The following CCDC7 variants were observed in gnomAD, a reference collection of about 807,000 sequenced individuals.
CCDC7 encodes the protein coiled-coil domain containing 7, also known as coiled-coil domain-containing protein 7.
In CCDC7, 183 loss-of-function variants were observed where a neutral mutation model predicts 196.9. The observed-to-expected ratio is 0.93, with a 90% CI of 0.82 to 1.05. The LOEUF is 1.05. Ranked by LOEUF, CCDC7 falls within the 50% of genes least tolerant of loss-of-function variation. CCDC7 has a pLI of 0.00. For missense variants in CCDC7, 1,540 were observed against 1,482.2 expected (o/e 1.04, Z -0.64); for synonymous variants, 525 against 484.6 (o/e 1.08, Z -1.10).
chr10:32,698,091 C>T (rs1249499006), intron 24 of CCDC7, among the ~76,000 whole-genome samples: 3 of 151,660 alleles, frequency 2.0e-5, no homozygotes, highest in Non-Finnish European at 2.9e-5. Flanking sequence ...CAGCAAGCTC[C>T]AGCAGACCTA....
At chr10:32,691,501 C>T (rs2077076313) in intron 23 of CCDC7, among the ~76,000 whole-genome samples, 1 of 152,034 alleles carries the variant, frequency 6.6e-6, no homozygotes, top group South Asian at 2.1e-4. Context: ...TTTCTATGCC[C>T]AGAAATTTGT....
intron 8 of CCDC7, among the ~76,000 whole-genome samples, chr10:32,476,252 T>C (rs2038950591): frequency 6.6e-6 from 1 of 152,212 alleles, no homozygotes; most frequent in East Asian, 1.9e-4. Flanking sequence ...AAACCACTAA[T>C]CTGTTTATTT....
intron 2 of CCDC7, 74 bp downstream of exon 3, chr10:32,453,510 T>G: frequency 9.9e-7 from 1 of 1,011,692 alleles, no homozygotes; most frequent in Non-Finnish European, 1.3e-6. Flanking sequence ...AATATAAATT[T>G]AAAATATTTT....
intron 25 of CCDC7, among the ~76,000 whole-genome samples, chr10:32,722,564 C>T (rs1170932840): frequency 2.6e-5 from 4 of 152,084 alleles, no homozygotes; most frequent in African/African-American, 9.7e-5. Flanking sequence ...CTATATGCAT[C>T]ACCCCAATCT....
At chr10:32,835,154 T>C (rs1204766491) in intron 33 of CCDC7, among the ~76,000 whole-genome samples, 1 of 152,116 alleles carries the variant, frequency 6.6e-6, no homozygotes, top group Non-Finnish European at 1.5e-5. Context: ...ATGTGCTTGA[T>C]GCTATTATTT....
At chr10:32,461,703 G>GTA in intron 3 of CCDC7, among the ~76,000 whole-genome samples, 1 of 42,444 alleles carries the variant, frequency 2.4e-5, no homozygotes, top group East Asian at 4.3e-4. Context: ...GTGTGTGTGT[G>GTA]TGTGTGTATA....
chr10:32,775,726 T>G (rs1007349702), intron 28 of CCDC7, among the ~76,000 whole-genome samples: 1 of 152,210 alleles, frequency 6.6e-6, no homozygotes. Flanking sequence ...TTTTTTGTAG[T>G]ACTAGCTGAA....
intron 28 of CCDC7, among the ~76,000 whole-genome samples, chr10:32,766,942 C>T (rs2078407265): frequency 2.0e-5 from 3 of 152,054 alleles, no homozygotes; most frequent in Admixed American, 1.3e-4. Context: ...TGTGATGGTG[C>T]TTTTTCCATA....
chr10:32,870,503 T>A (rs561959183), intron 41 of CCDC7, among the ~76,000 whole-genome samples: 2 of 152,262 alleles, frequency 1.3e-5, no homozygotes, highest in African/African-American at 4.8e-5. Flanking sequence ...TGGGCTGAGA[T>A]GATGGGGTTT....
chr10:32,710,419 A>G (rs1317196275), intron 24 of CCDC7, among the ~76,000 whole-genome samples: 1 of 152,206 alleles, frequency 6.6e-6, no homozygotes, highest in Non-Finnish European at 1.5e-5. Context: ...GCAGGGGACA[A>G]TAGCAGTGGC....
chr10:32,493,672 C>G (rs1306685337), intron 9 of CCDC7, among the ~76,000 whole-genome samples: 1 of 151,912 alleles, frequency 6.6e-6, no homozygotes, highest in African/African-American at 2.4e-5. Flanking sequence ...ATAAGAGTTC[C>G]CTTTTCTCCA....
chr10:32,689,359 GAC>G (rs1462436593), intron 23 of CCDC7, among the ~76,000 whole-genome samples, 196 bp downstream of exon 24: 3 of 152,112 alleles, frequency 2.0e-5, no homozygotes, highest in Non-Finnish European at 4.4e-5. Flanking sequence ...ATGACCACAG[GAC>G]ACACAGTATC....
chr10:32,807,983 A>C (rs1301509769), intron 30 of CCDC7, among the ~76,000 whole-genome samples: 1 of 152,034 alleles, frequency 6.6e-6, no homozygotes, highest in Non-Finnish European at 1.5e-5. Context: ...AGCCCCACTG[A>C]CATCCCCCTG....
intron 13 of CCDC7, among the ~76,000 whole-genome samples, chr10:32,557,595 CT>C: frequency 6.6e-6 from 1 of 152,212 alleles, no homozygotes; most frequent in Middle Eastern, 3.4e-3. Context: ...AGTGGTTTGA[CT>C]TTTTCCACTG....
chr10:32,857,739 A>G (rs2093807699), intron 41 of CCDC7, among the ~76,000 whole-genome samples: 3 of 152,026 alleles, frequency 2.0e-5, no homozygotes, highest in South Asian at 2.1e-4. Flanking sequence ...AAGAAAAACA[A>G]GCCAAAGTTT....
chr10:32,501,662 A>C (rs1370239630), intron 9 of CCDC7, among the ~76,000 whole-genome samples: 1 of 152,202 alleles, frequency 6.6e-6, no homozygotes, highest in East Asian at 1.9e-4. Context: ...GGGTATCACC[A>C]GCAGAGGCTG....
intron 18 of CCDC7, among the ~76,000 whole-genome samples, chr10:32,586,134 A>C (rs572899406): frequency 6.6e-6 from 1 of 152,292 alleles, no homozygotes; most frequent in South Asian, 2.1e-4. Flanking sequence ...AGTGGTGATG[A>C]GCTTTTTTCA....
At chr10:32,746,047 A>C (rs1283249078) in intron 28 of CCDC7, among the ~76,000 whole-genome samples, 2 of 152,162 alleles carry the variant, frequency 1.3e-5, no homozygotes, top group African/African-American at 4.8e-5. Flanking sequence ...TTGACTTTTG[A>C]GGAGAAGACC....
chr10:32,655,316 A>G (rs932144718), intron 20 of CCDC7, among the ~76,000 whole-genome samples: 3 of 152,126 alleles, frequency 2.0e-5, no homozygotes, highest in African/African-American at 7.2e-5. Context: ...TTGTTCTATA[A>G]TGACTGTACA....
Sources: allele counts gnomAD v4.1 joint callset (sites outside exome capture counted in the v4.1 genomes callset), GRCh38; gene constraint gnomAD v4.1.1; transcripts MANE v1.5; gene names NCBI Gene and HGNC (gene_info 2026-07-23, HGNC 2026-07-21).